Variants in SLC5A12 observed in about 807,000 individuals in gnomAD.
SLC5A12 encodes solute carrier family 5 member 12, also known as sodium-coupled monocarboxylate transporter 2.
A neutral mutation model predicts 72.7 loss-of-function variants in SLC5A12; 46 were observed. The observed-to-expected ratio is 0.63, with a 90% confidence interval of 0.50 to 0.81. SLC5A12 has a LOEUF of 0.81. SLC5A12 is among the 30% of genes least tolerant of loss of function. SLC5A12 has a pLI of 0.00. For missense variants in SLC5A12, 683 were observed against 740.7 expected, an observed-to-expected ratio of 0.92 and a Z score of 0.90; for synonymous variants, 275 against 264.4, an observed-to-expected ratio of 1.04 and a Z score of -0.39.
rs576478511 is a variant in SLC5A12 at position 26,721,998 on chromosome 11, A to G, written c.-284T>C. 12 of 400,214 alleles carry G rather than the reference A, an allele frequency of 3.0e-5. No homozygotes were observed. Among genetic ancestry groups the G allele is most frequent in the African/African-American group, 1.8e-4 (9 of 49,524 alleles). The allele number at this position is 400,214 out of a possible 1,614,324, so 24.8% of individuals were successfully genotyped here. ...TAAGAGCTGTCTGCTCCTCTCCTAA[A>G]GCATATGCCACAGAGAAGGAATTCA... On this transcript the variant is annotated 5_prime_UTR_variant, in exon 1 of 15. Coordinates refer to ENST00000396005, the MANE Select transcript of SLC5A12 (RefSeq NM_178498.4).
Position 26,669,197 on chromosome 11 carries a change from T to TTCTTTCTTTCTTTCTTTC in SLC5A12, c.*1887_*1904dup. ...TTTCTTTCTTTCTTCTTTTCTTTCTTTCTTTCTTTCTTTCTTTCTTTCTCT... is the reference window on the plus strand; with the variant it reads ...TTTCTTTCTTTCTTCTTTTCTTTCTTTCTTTCTTTCTTTCTTTCTCTTTCTTTCTTTCTTTCTTTCTCT... On this transcript the variant is annotated 3_prime_UTR_variant, in exon 15 of 15. Transcript: ENST00000396005. 6 of 135,692 alleles carry TTCTTTCTTTCTTTCTTTC rather than the reference T, an allele frequency of 4.4e-5. No individual in the cohort carries two copies. The highest frequency in any genetic ancestry group is 7.8e-5 in the Non-Finnish European group (5 of 64,286). 8.4% of individuals were successfully genotyped at this position (135,692 alleles called of 1,614,324 possible). A position where few individuals can be genotyped will look rare whatever the true frequency, so the allele number is the denominator to read the frequency against.
At chr11:26,700,760 T>A (rs1320197257) in intron 6 of SLC5A12, among the ~76,000 whole-genome samples, 1 of 152,174 alleles carries the variant, frequency 6.6e-6, no homozygotes. Context: ...AGTGTCTCAG[T>A]AAGTGATACT....
intron 14 of SLC5A12, among the ~76,000 whole-genome samples, chr11:26,672,489 C>A (rs1427114204): frequency 6.6e-6 from 1 of 152,232 alleles, no homozygotes; most frequent in East Asian, 1.9e-4. Context: ...GCTGTAACAA[C>A]CCTTTGAGTG....
intron 1 of SLC5A12, chr11:26,716,450 G>A (rs983062687): frequency 5.9e-5 from 9 of 152,070 alleles, no homozygotes; most frequent in Admixed American, 2.6e-4. Context: ...TCATTCAGTG[G>A]TCACCTTTGG....
At chr11:26,708,189 A>G (rs1023950070) in intron 4 of SLC5A12, among the ~76,000 whole-genome samples, 1 of 152,012 alleles carries the variant, frequency 6.6e-6, no homozygotes, top group Non-Finnish European at 1.5e-5. Context: ...TTAGGGAGCT[A>G]TGATACCTTT....
chr11:26,694,397 G>A (rs1456822973), intron 8 of SLC5A12, among the ~76,000 whole-genome samples: 1 of 152,126 alleles, frequency 6.6e-6, no homozygotes, highest in African/African-American at 2.4e-5. Flanking sequence ...TATTTCTCCA[G>A]TCTGGAGAGA....
intron 11 of SLC5A12, 116 bp downstream of exon 11, chr11:26,683,641 G>T: frequency 1.3e-6 from 1 of 758,478 alleles, no homozygotes; most frequent in Non-Finnish European, 2.2e-6. Context: ...TAATTCTGCT[G>T]TGGATTCTTT....
At chr11:26,698,047 G>T (rs113917367) in intron 7 of SLC5A12, among the ~76,000 whole-genome samples, 1 of 151,848 alleles carries the variant, frequency 6.6e-6, no homozygotes, top group Non-Finnish European at 1.5e-5. Flanking sequence ...ACAGGTGCCC[G>T]CCACCTTGCC....
chr11:26,687,382 A>C (rs1433941257), intron 9 of SLC5A12, among the ~76,000 whole-genome samples: 1 of 152,202 alleles, frequency 6.6e-6, no homozygotes, highest in Non-Finnish European at 1.5e-5. Flanking sequence ...ATGGAAAGAA[A>C]ACTATTGTGT....
At chr11:26,678,637 G>T in intron 13 of SLC5A12, 75 bp downstream of exon 13, 2 of 1,081,680 alleles carry the variant, frequency 1.8e-6, no homozygotes, top group Non-Finnish European at 2.8e-6. Context: ...AAAGCAATAA[G>T]ACAGACAGCC....
chr11:26,710,552 G>T (rs530958812), intron 3 of SLC5A12, among the ~76,000 whole-genome samples: 1 of 152,140 alleles, frequency 6.6e-6, no homozygotes, highest in East Asian at 1.9e-4. Flanking sequence ...ATTGGCATGA[G>T]ATGGTATCTC....
intron 11 of SLC5A12, 64 bp downstream of exon 11, chr11:26,683,693 G>A (rs1854459713): frequency 7.6e-7 from 1 of 1,320,622 alleles, no homozygotes; most frequent in African/African-American, 1.4e-5. Flanking sequence ...GGGCTGAGAG[G>A]AGAGAGAAAA....
intron 9 of SLC5A12, among the ~76,000 whole-genome samples, chr11:26,687,979 G>A (rs763373390): frequency 7.9e-5 from 12 of 152,278 alleles, no homozygotes; most frequent in Non-Finnish European, 8.8e-5. Context: ...AGAAAGACAT[G>A]TTTTTTCTCT....
At position 26,670,888 on chromosome 11, in the gene SLC5A12, T is replaced by C. The variant is rs11029666; in HGVS notation, c.*214A>G. 174,965 of 395,964 alleles carry C rather than the reference T, an allele frequency of 0.44. 40,125 individuals carry two copies. Among genetic ancestry groups the C allele is most frequent in the South Asian group, 0.51 (4,819 of 9,530 alleles). The allele number at this position is 395,964 out of a possible 1,614,324, so 24.5% of individuals were successfully genotyped here. ...GTCAAGGGCATTTGGAGCAGGTTGG[T>C]TTTTCTCTGTGAAAGTTGGAGTCTT... On this transcript the variant is annotated 3_prime_UTR_variant, in exon 15 of 15. Transcript: ENST00000396005.
chr11:26,673,356 C>A (rs4347341), intron 14 of SLC5A12, 46 bp downstream of exon 14: 1 of 1,444,642 alleles, frequency 6.9e-7, no homozygotes, highest in Non-Finnish European at 9.2e-7. Context: ...AACCAGGAAT[C>A]CCTTTGAGTC....
Position 26,697,341 on chromosome 11 carries a change from G to A in SLC5A12, c.952-89C>T. On this transcript the variant is annotated intron_variant, in intron 7 of 14. Coordinates refer to ENST00000396005, the MANE Select transcript of SLC5A12 (RefSeq NM_178498.4). ...GAGAGAGAAAAAAATAGGATTAGTG[G>A]TCTTCTCATCAGTGTTTGAAATGTG... 3.5e-6 allele frequency: 4 copies of A among 1,138,436 alleles called. No homozygotes were observed. In the South Asian group the frequency reaches 5.9e-5, roughly 17 times the overall value. 70.5% of individuals were successfully genotyped at this position (1,138,436 alleles called of 1,614,324 possible).
intron 10 of SLC5A12, among the ~76,000 whole-genome samples, chr11:26,686,272 A>C (rs1022893311): frequency 1.4e-5 from 2 of 146,104 alleles, no homozygotes; most frequent in African/African-American, 5.1e-5. Context: ...TCCCCTTCGG[A>C]AAGTGATTTC....
Position 26,686,525 on chromosome 11 carries a change from C to T in SLC5A12, c.1173G>A (p.Met391Ile), listed in dbSNP as rs376534163. Residue 391 changes from methionine (M) to isoleucine (I), a missense_variant, in exon 10 of 15, where the codon ATG becomes ATA. Coordinates refer to ENST00000396005, the MANE Select transcript of SLC5A12 (RefSeq NM_178498.4). ...SKGLCLLFGV[M>I]CTSMAVAASV... Reference sequence around the variant, plus strand: ...ATGCAGCCACAGCCATAGAGGTACACATCACGCCAAATAAGAGACCTGAAA... The same window carrying T: ...ATGCAGCCACAGCCATAGAGGTACATATCACGCCAAATAAGAGACCTGAAA... The T allele has an allele frequency of 6.2e-7, 1 of 1,613,844 alleles. No homozygotes were observed. The highest frequency in any genetic ancestry group is 1.3e-5 in the African/African-American group (1 of 74,888).
chr11:26,715,283 G>A (rs187819853), intron 1 of SLC5A12, among the ~76,000 whole-genome samples: 1 of 152,086 alleles, frequency 6.6e-6, no homozygotes, highest in Non-Finnish European at 1.5e-5. Context: ...AAATGTGCCT[G>A]AGATTATCTG....
Sources: allele counts gnomAD v4.1 joint callset (sites outside exome capture counted in the v4.1 genomes callset), GRCh38; gene constraint gnomAD v4.1.1; transcripts MANE v1.5; gene names NCBI Gene and HGNC (gene_info 2026-07-23, HGNC 2026-07-21).